PCDH11Y: variants seen among roughly 807,000 people sequenced by gnomAD.
PCDH11Y encodes the protein protocadherin-11 Y-linked.
For synonymous variants in PCDH11Y, 9 were observed against 83.6 expected, an observed-to-expected ratio of 0.11 and a Z score of 4.87; for missense variants, 12 against 224.8, an observed-to-expected ratio of 0.05 and a Z score of 6.05.
intron 3 of PCDH11Y, chrY:5,037,406 C>T (rs1602842231): frequency 1.1e-5 from 1 of 92,266 alleles, no homozygotes; most frequent in Non-Finnish European, 2.4e-5. Context: ...CCGTCTCTAC[C>T]AAAAATACAA....
chrY:5,685,359 A>G, intron 4 of PCDH11Y, among the ~76,000 whole-genome samples: 3 of 30,863 alleles, frequency 9.7e-5, no homozygotes, highest in African/African-American at 2.5e-4. Context: ...AGTCGGCTCT[A>G]TGAAATCCAA....
chrY:5,345,942 C>T (rs2053152115), intron 2 of PCDH11Y, among the ~76,000 whole-genome samples: 2 of 33,567 alleles, frequency 6.0e-5, no homozygotes, highest in African/African-American at 2.3e-4. Flanking sequence ...GGATTACAGG[C>T]GTGAGCCACC....
intron 3 of PCDH11Y, among the ~76,000 whole-genome samples, chrY:5,524,616 T>C: frequency 3.0e-5 from 1 of 32,807 alleles, no homozygotes; most frequent in South Asian, 7.0e-4. Flanking sequence ...GTTTGTTACA[T>C]AGGTATACAT....
chrY:5,448,587 C>T, intron 2 of PCDH11Y, among the ~76,000 whole-genome samples: 1 of 33,432 alleles, frequency 3.0e-5, no homozygotes, highest in African/African-American at 1.2e-4. Flanking sequence ...TGCTAATTAT[C>T]TCCAAGTGAG....
At chrY:5,421,697 C>G in intron 2 of PCDH11Y, among the ~76,000 whole-genome samples, 1 of 28,446 alleles carries the variant, frequency 3.5e-5, no homozygotes. Context: ...TCAACATCCC[C>G]TTTTATGATA....
chrY:5,076,825 T>C, intron 1 of PCDH11Y, among the ~76,000 whole-genome samples: 12 of 33,639 alleles, frequency 3.6e-4, no homozygotes, highest in Non-Finnish European at 8.1e-4. Flanking sequence ...AGCTCTGTAG[T>C]ATAATTTGAA....
chrY:5,630,678 AT>A (rs2053511741), intron 4 of PCDH11Y, among the ~76,000 whole-genome samples: 5 of 33,147 alleles, frequency 1.5e-4, no homozygotes, highest in East Asian at 1.6e-3. Context: ...CAATGAAATA[AT>A]TTTTTTTAAA....
At chrY:5,422,431 A>T in intron 2 of PCDH11Y, among the ~76,000 whole-genome samples, 1 of 28,638 alleles carries the variant, frequency 3.5e-5, no homozygotes, top group Non-Finnish European at 8.3e-5. Context: ...TTGCAAAACT[A>T]GAAAAATACA....
chrY:5,280,207 G>GT (rs2053051983), intron 2 of PCDH11Y, among the ~76,000 whole-genome samples: 6 of 32,258 alleles, frequency 1.9e-4, no homozygotes, highest in African/African-American at 7.3e-4. Flanking sequence ...TGTCATAGGG[G>GT]TTTGTTGTAC....
rs1602951916 is a variant in PCDH11Y at position 5,615,641 on chromosome Y, T to C, written c.3352+33843T>C. ...ATATAGGCCATCTAGGAATTAATCA[T>C]TGGAGGAAAAGTAACTCTTAGGTTT... On this transcript the variant is annotated intron_variant, in intron 4 of 4. Transcript: ENST00000400457. Among the ~76,000 whole-genome samples the C allele has an allele frequency of 5.7e-4, 19 of 33,210 alleles. No individual in the cohort carries two copies. The East Asian group carries it at 0.014, about 25-fold the overall frequency. The allele number at this position is 33,210 out of a possible 37,273, so 89.1% of individuals were successfully genotyped here.
intron 4 of PCDH11Y, among the ~76,000 whole-genome samples, chrY:5,726,553 C>T: frequency 3.0e-5 from 1 of 32,843 alleles, no homozygotes; most frequent in South Asian, 6.7e-4. Flanking sequence ...ATAAAGATGT[C>T]CCAGAATTGA....
intron 3 of PCDH11Y, among the ~76,000 whole-genome samples, chrY:5,520,592 T>G: frequency 9.0e-5 from 3 of 33,301 alleles, no homozygotes; most frequent in Admixed American, 5.5e-4. Flanking sequence ...AAGAACAACC[T>G]TGTACATACT....
chrY:5,466,979 GA>G (rs2053308842), intron 2 of PCDH11Y, among the ~76,000 whole-genome samples: 1 of 33,043 alleles, frequency 3.0e-5, no homozygotes, highest in Non-Finnish European at 7.6e-5. Flanking sequence ...CTCATTAAAA[GA>G]AATTGTTGAA....
chrY:5,714,384 T>A (rs2053588899), intron 4 of PCDH11Y, among the ~76,000 whole-genome samples: 1 of 33,483 alleles, frequency 3.0e-5, no homozygotes, highest in African/African-American at 1.2e-4. Context: ...ATACAGTTAT[T>A]TGTAAGCATA....
At chrY:5,477,944 T>A (rs2053321286) in intron 2 of PCDH11Y, among the ~76,000 whole-genome samples, 1 of 32,512 alleles carries the variant, frequency 3.1e-5, no homozygotes, top group Non-Finnish European at 7.6e-5. Context: ...TATCTGTTTT[T>A]AAAAAAAAAC....
intron 2 of PCDH11Y, among the ~76,000 whole-genome samples, chrY:5,283,846 A>G: frequency 3.1e-5 from 1 of 32,038 alleles, no homozygotes; most frequent in Non-Finnish European, 7.7e-5. Flanking sequence ...AATGATACCA[A>G]CTCATATTGT....
At chrY:5,699,557 C>G in intron 4 of PCDH11Y, among the ~76,000 whole-genome samples, 2 of 34,100 alleles carry the variant, frequency 5.9e-5, no homozygotes, top group Non-Finnish European at 1.5e-4. Flanking sequence ...GGGATGGATC[C>G]TAGTCCCATC....
chrY:5,269,665 A>T (rs2124659283), intron 2 of PCDH11Y, among the ~76,000 whole-genome samples: 1 of 33,542 alleles, frequency 3.0e-5, no homozygotes, highest in South Asian at 6.5e-4. Context: ...CTAAAATGAC[A>T]ACATAGACTT....
intron 4 of PCDH11Y, among the ~76,000 whole-genome samples, chrY:5,626,061 T>C (rs2124703085): frequency 3.2e-5 from 1 of 31,111 alleles, no homozygotes; most frequent in African/African-American, 1.2e-4. Context: ...GTTAGGCTTT[T>C]CATTACTGAT....
Sources: gnomAD v4.1 joint callset for allele counts (sites outside exome capture counted in the v4.1 genomes callset) on GRCh38, gnomAD v4.1.1 for gene constraint, MANE v1.5 for transcripts, NCBI Gene and HGNC (gene_info 2026-07-23, HGNC 2026-07-21) for gene names.